GFAP: variants seen among roughly 807,000 people sequenced by gnomAD.
GFAP encodes the protein glial fibrillary acidic protein, also known as intermediate filament protein.
Under a neutral mutation model 49.3 loss-of-function variants are expected in GFAP, and 38 were observed. That is an observed-to-expected ratio of 0.77 (90% confidence interval 0.60 to 1.01). The LOEUF is 1.01. Among genes scored for constraint, GFAP ranks in the 50% least tolerant of loss-of-function variants. GFAP has a pLI of 0.00. For missense variants in GFAP, 463 were observed against 579.1 expected, an observed-to-expected ratio of 0.80 and a Z score of 2.06; for synonymous variants, 222 against 236.4, an observed-to-expected ratio of 0.94 and a Z score of 0.56.
chr17:44,904,379 C>T lies in GFAP; in HGVS notation c.*2968G>A, dbSNP rs1490145909. The T allele has an allele frequency of 1.3e-5, 20 of 1,542,468 alleles. No individual in the cohort carries two copies. Among genetic ancestry groups the T allele is most frequent in the South Asian group, 3.6e-5 (3 of 83,560 alleles). On this transcript the variant is annotated 3_prime_UTR_variant, in exon 9 of 9. Transcript: ENST00000588735. ...GACCCCCTGTGACCGCTGCGGAGTG[C>T]GTGGGGAGCAGTGGCGCATCGGCCT... is the stretch of plus-strand genomic sequence containing the variant.
rs748279812 is a variant in GFAP at position 44,913,680 on chromosome 17, C to T, written c.618+48G>A. On this transcript the variant is annotated intron_variant, in intron 3 of 8. Coordinates refer to ENST00000588735, the MANE Select transcript of GFAP (RefSeq NM_002055.5). The stretch of plus-strand genomic sequence containing the variant: ...TCTCTGTCTCTGTCTCTCCCTCTCT[C>T]AGTTGCAATCTCTGTGTTGAGCTTT... 5.9e-6 allele frequency: 8 copies of T among 1,357,864 alleles called. No homozygotes were observed. In the East Asian group the frequency reaches 1.6e-4, roughly 27 times the overall value. The allele number at this position is 1,357,864 out of a possible 1,614,324, so 84.1% of individuals were successfully genotyped here. A position where few individuals can be genotyped will look rare whatever the true frequency, so the allele number is the denominator to read the frequency against.
Position 44,914,017 on chromosome 17 carries a change from A to G in GFAP, c.522+11T>C. On this transcript the variant is annotated intron_variant, in intron 2 of 8. Transcript: ENST00000588735. ...CCTCCCTCCCCTGCCCCTCCCCTCCACCTCCCTGACCTGTCTATAGGCAGC... is the reference window on the plus strand; with the variant it reads ...CCTCCCTCCCCTGCCCCTCCCCTCCGCCTCCCTGACCTGTCTATAGGCAGC... The G allele has an allele frequency of 1.3e-6, 2 of 1,533,246 alleles. No individual in the cohort carries two copies. The highest frequency in any genetic ancestry group is 1.8e-6 in the Non-Finnish European group (2 of 1,130,752). 95.0% of individuals were successfully genotyped at this position (1,533,246 alleles called of 1,614,324 possible).
intron 7 of GFAP, 173 bp from the exon 8 acceptor site, chr17:44,908,322 A>C: frequency 5.1e-6 from 2 of 395,078 alleles, no homozygotes; most frequent in Non-Finnish European, 9.2e-6. Flanking sequence ...CCAAATCCCA[A>C]TAGTGCTGCT....
In GFAP at chr17:44,915,291, G is replaced by A. The variant is rs1567778698; in HGVS notation, c.196C>T (p.Arg66Trp). ...ATCATCTCTGCCCGCTCACTGGCCC[G>A]GGTCTCCTTGAAGCCAGCATTGAGT... ...GALNAGFKET[R>W]ASERAEMMEL... Residue 66 changes from arginine to tryptophan, a missense_variant, in exon 1 of 9, where the codon CGG (arginine) becomes TGG (tryptophan). Arg to Trp is a moderately radical substitution (Grantham distance 101). This residue lies in a region of GFAP where 12 missense variants were observed against 46.1 expected (regional missense o/e 0.26). Coordinates refer to ENST00000588735, the MANE Select transcript of GFAP (RefSeq NM_002055.5). The surrounding 1 kb of genome is among the most constrained non-coding windows in gnomAD (Gnocchi z 4.1). 2 of 1,614,118 alleles carry A rather than the reference G, an allele frequency of 1.2e-6. No individual in the cohort carries two copies. Among genetic ancestry groups the A allele is most frequent in the Non-Finnish European group, 8.5e-7 (1 of 1,180,044 alleles).
intron 5 of GFAP, 91 bp downstream of exon 5, chr17:44,911,581 C>G (rs2051768543): frequency 6.3e-7 from 1 of 1,583,952 alleles, no homozygotes; most frequent in South Asian, 1.1e-5. Context: ...GCCCTCGACC[C>G]AGGTCCTCGT....
chr17:44,911,589 C>G, intron 5 of GFAP, 83 bp downstream of exon 5: 1 of 1,583,654 alleles, frequency 6.3e-7, no homozygotes. Context: ...CCCAGGTCCT[C>G]GTCCCTGGCC....
At position 44,907,181 on chromosome 17, in the gene GFAP, G is replaced by A. The variant is rs191737430; in HGVS notation, c.*166C>T. On this transcript the variant is annotated 3_prime_UTR_variant, in exon 9 of 9. Transcript: ENST00000588735. ...GCCGTCTGGCAGGCCTGATACTGAC[G>A]GAGCCTAGGGCAGCAAGCTGACCTA... The A allele has an allele frequency of 2.5e-5, 17 of 687,182 alleles. No homozygotes were observed. Among genetic ancestry groups the A allele is most frequent in the African/African-American group, 1.6e-4 (9 of 57,082 alleles). The allele number at this position is 687,182 out of a possible 1,614,324, so 42.6% of individuals were successfully genotyped here.
rs1200076509 is a variant in GFAP at position 44,903,207 on chromosome 17, C to T, written c.*4140G>A. The T allele has an allele frequency of 1.6e-6, 2 of 1,261,810 alleles. No individual in the cohort carries two copies. The highest frequency in any genetic ancestry group is 2.0e-6 in the Non-Finnish European group (2 of 1,005,344). The allele number at this position is 1,261,810 out of a possible 1,614,324, so 78.2% of individuals were successfully genotyped here. A position where few individuals can be genotyped will look rare whatever the true frequency, so the allele number is the denominator to read the frequency against. On this transcript the variant is annotated 3_prime_UTR_variant, in exon 9 of 9. Coordinates refer to ENST00000588735, the MANE Select transcript of GFAP (RefSeq NM_002055.5). ...TATGGTAAACAAACACTGATCTCCACAGCTCTTAACAAGAATGTTTATAGC... is the reference window on the plus strand; with the variant it reads ...TATGGTAAACAAACACTGATCTCCATAGCTCTTAACAAGAATGTTTATAGC...
intron 6 of GFAP, 30 bp from the exon 7 acceptor site, chr17:44,910,688 C>G (rs200064084): frequency 1.3e-6 from 2 of 1,576,984 alleles, no homozygotes; most frequent in East Asian, 2.3e-5. Flanking sequence ...GAGGGCTGCC[C>G]GGGCTGCCTG....
intron 2 of GFAP, 29 bp downstream of exon 2, chr17:44,913,999 C>T: frequency 6.9e-7 from 1 of 1,453,592 alleles, no homozygotes; most frequent in Non-Finnish European, 9.5e-7. Flanking sequence ...TTTCCTCCCT[C>T]CCCTGCCCCT....
intron 4 of GFAP, chr17:44,913,066 C>CA (rs1468315601): frequency 3.5e-5 from 22 of 637,062 alleles, no homozygotes; most frequent in Non-Finnish European, 5.7e-5. Flanking sequence ...CTAATAATAG[C>CA]AATAGTAGCA....
Position 44,904,772 on chromosome 17 carries a change from G to A in GFAP, c.*2575C>T. 1.3e-6 allele frequency: 2 copies of A among 1,550,648 alleles called. No individual in the cohort carries two copies. The highest frequency in any genetic ancestry group is 1.7e-6 in the Non-Finnish European group (2 of 1,147,004). On this transcript the variant is annotated 3_prime_UTR_variant, in exon 9 of 9. Coordinates refer to ENST00000588735, the MANE Select transcript of GFAP (RefSeq NM_002055.5). ...CCTCTACCGCACACAGTACCTGAAG[G>A]GTGTCAACAGGTCCATGAGGGTGTT...
rs1357595041 is a variant in GFAP, at chr17:44,915,037, A to G, written c.450T>C (p.Thr150=). The change falls in exon 1 of 9, where the codon ACT becomes ACC. Residue 150 remains threonine, a synonymous_variant. Coordinates refer to ENST00000588735, the MANE Select transcript of GFAP (RefSeq NM_002055.5). The surrounding 1 kb of genome is among the most constrained non-coding windows in gnomAD (Gnocchi z 4.1). ...ERDNLAQDLA[T]VRQKLQDETN... Reference sequence around the variant, plus strand: ...CATCCCCTCCTCACTTCTGCCTCACAGTGGCCAGGTCCTGTGCCAGATTGT... The same window carrying G: ...CATCCCCTCCTCACTTCTGCCTCACGGTGGCCAGGTCCTGTGCCAGATTGT... 1 of 1,610,710 alleles carries G rather than the reference A, an allele frequency of 6.2e-7. No homozygotes were observed. The highest frequency in any genetic ancestry group is 1.1e-5 in the South Asian group (1 of 91,034).
intron 2 of GFAP, 52 bp downstream of exon 2, chr17:44,913,976 T>C: frequency 7.3e-7 from 1 of 1,365,510 alleles, no homozygotes; most frequent in Non-Finnish European, 1.0e-6. Flanking sequence ...TTTGGGTGGG[T>C]GGCCATCAAT....
At chr17:44,908,356 T>TCAGAG in intron 7 of GFAP, 1 of 344,846 alleles carries the variant, frequency 2.9e-6, no homozygotes, top group Non-Finnish European at 5.2e-6. Flanking sequence ...CTGCTCTGTC[T>TCAGAG]TCTGGCCTGG....
At chr17:44,909,586 G>A (rs1421444202) in intron 7 of GFAP, 1 of 171,194 alleles carries the variant, frequency 5.8e-6, no homozygotes, top group African/African-American at 2.4e-5. Context: ...TCATTTCAGG[G>A]CCAATGCAAG....
Position 44,903,425 on chromosome 17 carries a change from T to TCCACCTGGGG in GFAP, c.*3921_*3922insCCCCAGGTGG. The TCCACCTGGGG allele has an allele frequency of 8.0e-7, 1 of 1,251,302 alleles. No homozygotes were observed. The highest frequency in any genetic ancestry group is 3.1e-5 in the East Asian group (1 of 32,696). 77.5% of individuals were successfully genotyped at this position (1,251,302 alleles called of 1,614,324 possible). A position where few individuals can be genotyped will look rare whatever the true frequency, so the allele number is the denominator to read the frequency against. On this transcript the variant is annotated 3_prime_UTR_variant, in exon 9 of 9. Transcript: ENST00000588735. The stretch of plus-strand genomic sequence containing the variant: ...GGTGGGTTTCCTTCATCCCCCAGGT[T>TCCACCTGGGG]GATGAAAGACTTTTCCACCAGGCTG...
rs745718871 is a variant in GFAP, at chr17:44,904,188, C to T, written c.*3159G>A. The T allele has an allele frequency of 6.4e-6, 10 of 1,550,520 alleles. No homozygotes were observed. Among genetic ancestry groups the T allele is most frequent in the Non-Finnish European group, 8.7e-6 (10 of 1,146,950 alleles). On this transcript the variant is annotated 3_prime_UTR_variant, in exon 9 of 9. Coordinates refer to ENST00000588735, the MANE Select transcript of GFAP (RefSeq NM_002055.5). ...GTTTTCAGGGCTCAGTCTGAGGACT[C>T]AGGCCTGTACTTCTGCGGCACCCGC...
At chr17:44,907,996 C>T (rs1216482246) in intron 8 of GFAP, 68 bp downstream of exon 8, 1 of 1,095,208 alleles carries the variant, frequency 9.1e-7, no homozygotes, top group East Asian at 2.3e-5. Context: ...CCAGGCTTTC[C>T]TCCATGGCCT....
Sources: gnomAD v4.1 joint callset for allele counts on GRCh38, gnomAD v4.1.1 for gene constraint, gnomAD v4.1.1 regional missense constraint, Gnocchi (gnomAD v3.1) non-coding constraint, MANE v1.5 for transcripts, NCBI Gene and HGNC (gene_info 2026-07-23, HGNC 2026-07-21) for gene names.